The following AKAP13 variants were observed in gnomAD, a reference collection of about 807,000 sequenced individuals.
The protein encoded by AKAP13 is A-kinase anchoring protein 13.
A neutral mutation model predicts 264.5 loss-of-function variants in AKAP13; 80 were observed. The observed-to-expected ratio is 0.30, with a 90% CI of 0.25 to 0.36. AKAP13 has a LOEUF of 0.36. AKAP13 is among the 10% of genes least tolerant of loss of function. AKAP13 has a pLI of 1.00. For synonymous variants in AKAP13, 1,380 were observed against 1,250.2 expected (o/e 1.10, Z -2.19); for missense variants, 3,712 against 3,435.2 (o/e 1.08, Z -2.01).
Position 85,741,231 on chromosome 15 carries a change from G to T in AKAP13, c.7794G>T (p.Lys2598Asn), listed in dbSNP as rs1192610869. The change falls in exon 35 of 37, where the codon AAG becomes AAT. Residue 2598 changes from lysine (K) to asparagine (N), a missense_variant. Lys to Asn is a moderately conservative substitution (Grantham distance 94). Around this residue, in one of 3 missense-constraint regions of AKAP13, gnomAD observed 611 missense variants for 539.3 expected, o/e 1.13. Transcript: ENST00000394518. The stretch of plus-strand genomic sequence containing the variant: ...AGCAGGCCCAGTACCTCGAGGAGAA[G>T]CGCAGGCGCGAGCGTGAGTGGGAAG... ...QKQQAQYLEE[K>N]RRREREWEAR... The T allele has an allele frequency of 6.2e-7, 1 of 1,609,302 alleles. No homozygotes were observed. Among genetic ancestry groups the T allele is most frequent in the East Asian group, 2.2e-5 (1 of 44,674 alleles).
chr15:85,494,301 A>T (rs1242339470), intron 2 of AKAP13, among the ~76,000 whole-genome samples: 1 of 152,232 alleles, frequency 6.6e-6, no homozygotes, highest in Non-Finnish European at 1.5e-5. Flanking sequence ...TGAAAAGGAA[A>T]CAAGAGTTTT....
Position 85,727,489 on chromosome 15 carries a change from C to T in AKAP13, c.7087+26C>T, listed in dbSNP as rs1475232472. The T allele has an allele frequency of 2.5e-6, 4 of 1,612,106 alleles. No individual in the cohort carries two copies. The highest frequency in any genetic ancestry group is 3.4e-6 in the Non-Finnish European group (4 of 1,178,514). ...GTGAGGCATTGCGAGTGGTCTGAGC[C>T]CCTTGTCTGGAATGTCTGCAGTTGC... On this transcript the variant is annotated intron_variant, in intron 29 of 36. Coordinates refer to ENST00000394518, the MANE Select transcript of AKAP13 (RefSeq NM_007200.5). This position sits in a 1 kb window ranked among gnomAD's most constrained non-coding sequence, Gnocchi z 5.3.
At position 85,491,528 on chromosome 15, in the gene AKAP13, T is replaced by C. The variant is rs970770655; in HGVS notation, c.33+5775T>C. On this transcript the variant is annotated intron_variant, in intron 2 of 36. Transcript: ENST00000394518. ...TATATTATATATTATATATATTATA[T>C]ATTTTATATATAATATATATATTTT... Among the ~76,000 whole-genome samples the C allele has an allele frequency of 1.6e-4, 23 of 147,160 alleles. No homozygotes were observed. The South Asian group carries it at 3.4e-3, about 21-fold the overall frequency.
Position 85,724,786 on chromosome 15 carries a change from G to A in AKAP13, c.6745+1466G>A, listed in dbSNP as rs1400964085. ...GGTGACAGATAAGAGACTGTGCAGT[G>A]CTTTGGGGAAGAGCTCATCTGGGCC... On this transcript the variant is annotated intron_variant, in intron 26 of 36. Transcript: ENST00000394518. This position sits in a 1 kb window ranked among gnomAD's most constrained non-coding sequence, Gnocchi z 4.2. Among the ~76,000 whole-genome samples the A allele has an allele frequency of 6.6e-6, 1 of 151,992 alleles. No homozygotes were observed. The highest frequency in any genetic ancestry group is 2.4e-5 in the African/African-American group (1 of 41,358).
rs1011245379 is a variant in AKAP13, at chr15:85,722,344, A to G, written c.6493A>G (p.Lys2165Glu). The stretch of plus-strand genomic sequence containing the variant: ...ATTCCAAAGAATATTGCAGTGTACC[A>G]AAGGTAAGTCTCCTTTCTAACTCGG... Reference protein sequence around the residue: ...VLFQRILQCTKDNEVEQEDLA... With the variant: ...VLFQRILQCTEDNEVEQEDLA... Residue 2165 changes from lysine (K) to glutamate (E), a missense_variant, in exon 25 of 37, where the codon AAA (lysine) becomes GAA (glutamate). Lys to Glu is a moderately conservative substitution (Grantham distance 56, BLOSUM62 1). Coordinates refer to ENST00000394518, the MANE Select transcript of AKAP13 (RefSeq NM_007200.5). 1.9e-6 allele frequency: 3 copies of G among 1,607,208 alleles called. No individual in the cohort carries two copies. The highest frequency in any genetic ancestry group is 2.5e-6 in the Non-Finnish European group (3 of 1,176,660).
chr15:85,582,275 AGGGTT>A (rs1384123415), intron 7 of AKAP13, among the ~76,000 whole-genome samples, 168 bp downstream of exon 7: 3 of 152,226 alleles, frequency 2.0e-5, no homozygotes, highest in African/African-American at 7.2e-5. Context: ...ACGTCATCTC[AGGGTT>A]GGACAGATTT....
chr15:85,488,379 C>T (rs2075627925), intron 2 of AKAP13, among the ~76,000 whole-genome samples: 1 of 152,132 alleles, frequency 6.6e-6, no homozygotes, highest in South Asian at 2.1e-4. Context: ...TGTTCTATAG[C>T]TTTCTTGTGA....
rs770496857 is a variant in AKAP13 at position 85,744,688 on chromosome 15, C to T, written c.*11C>T. On this transcript the variant is annotated 3_prime_UTR_variant, in exon 37 of 37. Coordinates refer to ENST00000394518, the MANE Select transcript of AKAP13 (RefSeq NM_007200.5). ...GAGATCTTCTGCTGACCCTCTTCCT[C>T]TCTGCTGAGGCAGCTGCCTCCTGAT... The T allele has an allele frequency of 1.8e-5, 29 of 1,598,018 alleles. No individual in the cohort carries two copies. The highest frequency in any genetic ancestry group is 1.7e-4 in the Middle Eastern group (1 of 5,928).
chr15:85,577,177 A>G (rs757851137), intron 6 of AKAP13, among the ~76,000 whole-genome samples: 28 of 152,218 alleles, frequency 1.8e-4, no homozygotes, highest in Non-Finnish European at 4.0e-4. Flanking sequence ...ACACTTGTAC[A>G]TATAAACTTT....
At chr15:85,624,866 G>A (rs2081343411) in intron 8 of AKAP13, among the ~76,000 whole-genome samples, 1 of 152,066 alleles carries the variant, frequency 6.6e-6, no homozygotes. Flanking sequence ...AATCACAAGG[G>A]GTCCATAGGC....
At chr15:85,577,165 T>C (rs2079042040) in intron 6 of AKAP13, among the ~76,000 whole-genome samples, 1 of 152,200 alleles carries the variant, frequency 6.6e-6, no homozygotes, top group African/African-American at 2.4e-5. Flanking sequence ...ATGACACATT[T>C]TACACTTGTA....
intron 2 of AKAP13, among the ~76,000 whole-genome samples, chr15:85,496,869 G>A (rs893533222): frequency 1.3e-5 from 2 of 152,204 alleles, no homozygotes; most frequent in Admixed American, 6.5e-5. Flanking sequence ...CCTCCGTCTA[G>A]CTTTTGATGG....
At chr15:85,696,337 G>C (rs1264032253) in intron 17 of AKAP13, among the ~76,000 whole-genome samples, 1 of 152,146 alleles carries the variant, frequency 6.6e-6, no homozygotes, top group Non-Finnish European at 1.5e-5. Flanking sequence ...TGCATGCCCA[G>C]CCCATCTCCT....
intron 14 of AKAP13, among the ~76,000 whole-genome samples, chr15:85,676,296 A>G (rs2084225970): frequency 6.6e-6 from 1 of 152,212 alleles, no homozygotes; most frequent in African/African-American, 2.4e-5. Flanking sequence ...GGGGAGGAAT[A>G]GAGGTTGAGC....
At chr15:85,721,728 T>TG (rs2087298643) in intron 23 of AKAP13, among the ~76,000 whole-genome samples, 2 of 152,234 alleles carry the variant, frequency 1.3e-5, no homozygotes, top group East Asian at 3.8e-4. Flanking sequence ...TACATAAAGT[T>TG]TCTTTAATTT....
chr15:85,381,520 G>GTT (rs1567029535), intron 1 of AKAP13, among the ~76,000 whole-genome samples: 6 of 44,760 alleles, frequency 1.3e-4, no homozygotes, highest in African/African-American at 3.7e-4. Context: ...ACGGTTTACT[G>GTT]CTTTTTTTTT....
intron 5 of AKAP13, among the ~76,000 whole-genome samples, chr15:85,552,617 GT>G (rs2077996108): frequency 1.5e-5 from 2 of 134,358 alleles, no homozygotes; most frequent in African/African-American, 2.7e-5. Flanking sequence ...ATTTATCATC[GT>G]TTTTTTGGCC....
chr15:85,745,405 G>C lies in AKAP13; in HGVS notation c.*728G>C, dbSNP rs2089340547. 1 of 152,022 alleles carries C rather than the reference G, an allele frequency of 6.6e-6. No individual in the cohort carries two copies. Among genetic ancestry groups the C allele is most frequent in the South Asian group, 2.1e-4 (1 of 4,808 alleles). 9.4% of individuals were successfully genotyped at this position (152,022 alleles called of 1,614,324 possible). On this transcript the variant is annotated 3_prime_UTR_variant, in exon 37 of 37. Coordinates refer to ENST00000394518, the MANE Select transcript of AKAP13 (RefSeq NM_007200.5). ...GCACCACCTCGATCTCGGTGTTTCA[G>C]GCACTAAAGCAACAAAACAACCCAT...
rs377522801 is a variant in AKAP13 at position 85,431,314 on chromosome 15, A to C, written c.-12+50516A>C. Among the ~76,000 whole-genome samples, 22 of 152,298 alleles carry C rather than the reference A, an allele frequency of 1.4e-4. No individual in the cohort carries two copies. The East Asian group carries it at 3.7e-3, about 25-fold the overall frequency. Reference sequence around the variant, plus strand: ...CAGTGATTACGAACTTAAGGCTGGGAGCTGAACTCTTTACATTCATACCTT... The same window carrying C: ...CAGTGATTACGAACTTAAGGCTGGGCGCTGAACTCTTTACATTCATACCTT... On this transcript the variant is annotated intron_variant, in intron 1 of 36. Transcript: ENST00000394518.
Sources: allele counts gnomAD v4.1 joint callset (sites outside exome capture counted in the v4.1 genomes callset), GRCh38; gene constraint gnomAD v4.1.1; regional missense constraint gnomAD v4.1.1; non-coding constraint Gnocchi (gnomAD v3.1); transcripts MANE v1.5; gene names NCBI Gene and HGNC (gene_info 2026-07-23, HGNC 2026-07-21).